TMEM217: variants seen among roughly 807,000 people sequenced by gnomAD.
TMEM217 encodes the protein transmembrane protein 217.
For synonymous variants in TMEM217, 76 were observed against 88.3 expected (o/e 0.86, Z 0.78); for missense variants, 204 against 248.8 (o/e 0.82, Z 1.21).
intron 1 of TMEM217, among the ~76,000 whole-genome samples, chr6:37,221,335 CA>C (rs2113820869): frequency 6.6e-6 from 1 of 152,194 alleles, no homozygotes; most frequent in South Asian, 2.1e-4. Flanking sequence ...TACAGGAGTG[CA>C]CCACCACACC....
exon 2 of TMEM217, chr6:37,218,196 G>C: frequency 2.4e-6 from 3 of 1,251,538 alleles, no homozygotes; most frequent in Non-Finnish European, 3.0e-6. Flanking sequence ...GGGGGACAGA[G>C]TCTTACTCTG....
intron 1 of TMEM217, among the ~76,000 whole-genome samples, chr6:37,228,279 T>C (rs780933784): frequency 1.2e-4 from 18 of 152,236 alleles, no homozygotes; most frequent in South Asian, 8.3e-4. Context: ...GTAGAGATTG[T>C]AGCAATTAGG....
chr6:37,254,171 T>A (rs533835232), intron 1 of TMEM217, among the ~76,000 whole-genome samples: 2 of 152,354 alleles, frequency 1.3e-5, no homozygotes, highest in South Asian at 4.1e-4. Context: ...TTCTGAGTTG[T>A]AGGCTCCACC....
chr6:37,252,252 G>A (rs1012606951), intron 1 of TMEM217, among the ~76,000 whole-genome samples: 4 of 152,138 alleles, frequency 2.6e-5, no homozygotes, highest in Non-Finnish European at 5.9e-5. Context: ...TCCATGACAT[G>A]TAACATAAAG....
At chr6:37,228,099 G>C (rs190504822) in intron 1 of TMEM217, among the ~76,000 whole-genome samples, 3 of 152,230 alleles carry the variant, frequency 2.0e-5, no homozygotes, top group Non-Finnish European at 4.4e-5. Context: ...AGGTTGAGGG[G>C]TATGAAGATA....
intron 1 of TMEM217, among the ~76,000 whole-genome samples, chr6:37,231,763 T>C (rs1295922418): frequency 6.8e-6 from 1 of 147,878 alleles, no homozygotes; most frequent in Non-Finnish European, 1.5e-5. Flanking sequence ...TTATTATATA[T>C]AATATATATT....
At chr6:37,243,512 T>C (rs1198959324) in intron 1 of TMEM217, among the ~76,000 whole-genome samples, 1 of 152,228 alleles carries the variant, frequency 6.6e-6, no homozygotes. Context: ...AAGAAAGAGT[T>C]TAATTGATAT....
chr6:37,227,907 G>GA (rs1168607765), intron 1 of TMEM217, among the ~76,000 whole-genome samples: 1 of 151,496 alleles, frequency 6.6e-6, no homozygotes, highest in Non-Finnish European at 1.5e-5. Flanking sequence ...AAGTTTTTAG[G>GA]AAAAAAATGA....
At chr6:37,246,268 A>G (rs1368424157) in intron 1 of TMEM217, among the ~76,000 whole-genome samples, 2 of 152,144 alleles carry the variant, frequency 1.3e-5, no homozygotes, top group Non-Finnish European at 2.9e-5. Context: ...TTCTTATTCA[A>G]GCTTCAGGCT....
chr6:37,212,706 G>T (rs1762977243), downstream of TMEM217: 4 of 639,778 alleles, frequency 6.3e-6, no homozygotes, highest in South Asian at 4.5e-5. Flanking sequence ...ACATGGCATA[G>T]ATCAGCAGCC....
At chr6:37,249,354 C>T (rs1402310630) in intron 1 of TMEM217, among the ~76,000 whole-genome samples, 2 of 152,246 alleles carry the variant, frequency 1.3e-5, no homozygotes, top group Admixed American at 6.5e-5. Context: ...AAGTCTCACT[C>T]TGTTGCCTAC....
chr6:37,222,643 C>G (rs1250939384), intron 1 of TMEM217, among the ~76,000 whole-genome samples: 1 of 152,226 alleles, frequency 6.6e-6, no homozygotes, highest in Non-Finnish European at 1.5e-5. Context: ...CCTGCCTATT[C>G]CCGGCCCTCC....
intron 1 of TMEM217, among the ~76,000 whole-genome samples, chr6:37,235,405 G>C (rs963058072): frequency 6.6e-6 from 1 of 151,650 alleles, no homozygotes; most frequent in African/African-American, 2.4e-5. Context: ...TTGCTCTGTC[G>C]CCCAGGCTAG....
chr6:37,219,730 T>A (rs1467861001), intron 1 of TMEM217, among the ~76,000 whole-genome samples: 2 of 150,690 alleles, frequency 1.3e-5, no homozygotes, highest in African/African-American at 4.9e-5. Context: ...AGACCCTATA[T>A]CCAAAAAAAA....
chr6:37,257,697 C>A lies in TMEM217; in HGVS notation c.-141G>T, dbSNP rs183236616. The stretch of plus-strand genomic sequence containing the variant: ...TCGGCTTCAGCGGCCTGCAGGATTC[C>A]GGCTCCCAATTGGTCGGCCCGTCCA... On this transcript the variant is annotated 5_prime_UTR_variant, in exon 1 of 2. An upstream open reading frame in the 5' UTR gains an earlier in-frame stop. Coordinates refer to ENST00000357219, the Ensembl canonical transcript of TMEM217. 9.2e-6 allele frequency: 5 copies of A among 543,442 alleles called. No individual in the cohort carries two copies. In the Admixed American group the frequency reaches 1.8e-4, roughly 19 times the overall value. The allele number at this position is 543,442 out of a possible 1,614,324, so 33.7% of individuals were successfully genotyped here.
At chr6:37,247,413 G>T (rs1339778718) in intron 1 of TMEM217, among the ~76,000 whole-genome samples, 2 of 147,198 alleles carry the variant, frequency 1.4e-5, no homozygotes, top group Non-Finnish European at 3.0e-5. Flanking sequence ...TTTTGAGATG[G>T]AGTCTCGCTC....
At chr6:37,214,658 G>C (rs1763089128), downstream of TMEM217, among the ~76,000 whole-genome samples, 1 of 152,156 alleles carries the variant, frequency 6.6e-6, no homozygotes, top group Non-Finnish European at 1.5e-5. Flanking sequence ...CCTGCTCTAG[G>C]TGTCTCACAT....
At chr6:37,224,329 T>C (rs568801116) in intron 1 of TMEM217, among the ~76,000 whole-genome samples, 39 of 150,282 alleles carry the variant, frequency 2.6e-4, no homozygotes, top group African/African-American at 8.8e-4. Flanking sequence ...CTGGGTGCAG[T>C]GGCTCATGCC....
chr6:37,252,016 C>T (rs1304118986), intron 1 of TMEM217, among the ~76,000 whole-genome samples: 1 of 152,150 alleles, frequency 6.6e-6, no homozygotes, highest in Non-Finnish European at 1.5e-5. Flanking sequence ...GCCTCAGCCT[C>T]CCGAGTAGCT....
Sources: allele counts gnomAD v4.1 joint callset (sites outside exome capture counted in the v4.1 genomes callset), GRCh38; gene constraint gnomAD v4.1.1; transcripts MANE v1.5; gene names NCBI Gene and HGNC (gene_info 2026-07-23, HGNC 2026-07-21).